The following KIAA0513 variants were observed in gnomAD, a reference collection of about 807,000 sequenced individuals.
KIAA0513 encodes uncharacterized protein KIAA0513.
In KIAA0513, 39 loss-of-function variants were observed where a neutral mutation model predicts 56.5. That is an observed-to-expected ratio of 0.69 (90% CI 0.53 to 0.90). KIAA0513 has a LOEUF of 0.90. Among genes scored for constraint, KIAA0513 ranks in the 40% least tolerant of loss-of-function variants. The pLI is 0.00. For synonymous variants in KIAA0513, 268 were observed against 215.6 expected, an observed-to-expected ratio of 1.24 and a Z score of -2.13; for missense variants, 591 against 535.2, an observed-to-expected ratio of 1.10 and a Z score of -1.03.
rs1195368728 is a variant in KIAA0513, at chr16:85,093,143, T to C, written c.*4818T>C. Reference sequence around the variant, plus strand: ...GGGATTGGGTTTGTGTGGGTGTCTCTAGCCTGCAGAGTGCAGTGAGTGAGA... The same window carrying C: ...GGGATTGGGTTTGTGTGGGTGTCTCCAGCCTGCAGAGTGCAGTGAGTGAGA... On this transcript the variant is annotated 3_prime_UTR_variant, in exon 13 of 13. Coordinates refer to ENST00000683363, the MANE Select transcript of KIAA0513 (RefSeq NM_001388359.1). 2.6e-5 allele frequency: 4 copies of C among 152,076 alleles called. No individual in the cohort carries two copies. The East Asian group carries it at 7.7e-4, about 29-fold the overall frequency. 9.4% of individuals were successfully genotyped at this position (152,076 alleles called of 1,614,324 possible). A position where few individuals can be genotyped will look rare whatever the true frequency, so the allele number is the denominator to read the frequency against.
At chr16:85,064,918 C>T (rs2073456643) in intron 1 of KIAA0513, among the ~76,000 whole-genome samples, 1 of 152,204 alleles carries the variant, frequency 6.6e-6, no homozygotes, top group Non-Finnish European at 1.5e-5. Context: ...CTCCAGACCT[C>T]AGGTGATCCA....
rs2073738842 is a variant in KIAA0513 at position 85,081,183 on chromosome 16, C to G, written c.903-132C>G. The G allele has an allele frequency of 7.5e-6, 6 of 804,096 alleles. No homozygotes were observed. The highest frequency in any genetic ancestry group is 5.8e-5 in the South Asian group (4 of 69,102). The allele number at this position is 804,096 out of a possible 1,614,324, so 49.8% of individuals were successfully genotyped here. On this transcript the variant is annotated intron_variant, in intron 8 of 12. Coordinates refer to ENST00000683363, the MANE Select transcript of KIAA0513 (RefSeq NM_001388359.1). The surrounding 1 kb of genome is among the most constrained non-coding windows in gnomAD (Gnocchi z 4.4). ...TATGCTCAGTTTTTCCTTCTCAGCC[C>G]TACCTCTCTGAGACTTCTTAGAAGC... is the stretch of plus-strand genomic sequence containing the variant.
chr16:85,032,460 G>A (rs2072978072), intron 1 of KIAA0513, among the ~76,000 whole-genome samples: 1 of 152,194 alleles, frequency 6.6e-6, no homozygotes, highest in Admixed American at 6.5e-5. Context: ...AGCCTCCCAT[G>A]TAGCTGGGAT....
In KIAA0513 at chr16:85,087,126, C is replaced by T. The variant is rs1288902656; in HGVS notation, c.1146C>T (p.Asp382=). Residue 382 remains aspartate (D), a synonymous_variant, in exon 12 of 13, where the codon GAC becomes GAT. Transcript: ENST00000683363. ...GACTGAACAAGAAGCTGTGCAATGA[C>T]TTCCTGAAGAAGCAGGCTGTGATTG... ...AFGLNKKLCN[D]FLKKQAVIGN... 1.9e-6 allele frequency: 3 copies of T among 1,614,206 alleles called. No individual in the cohort carries two copies. The highest frequency in any genetic ancestry group is 2.5e-6 in the Non-Finnish European group (3 of 1,180,022).
chr16:85,054,149 C>T (rs751530146), intron 1 of KIAA0513, among the ~76,000 whole-genome samples: 2 of 152,074 alleles, frequency 1.3e-5, no homozygotes, highest in Non-Finnish European at 2.9e-5. Context: ...GACAGTGAGA[C>T]CCTGTCTCAA....
intron 1 of KIAA0513, among the ~76,000 whole-genome samples, chr16:85,053,645 A>G (rs1411097962): frequency 1.3e-5 from 2 of 152,184 alleles, no homozygotes; most frequent in Non-Finnish European, 2.9e-5. Flanking sequence ...AGATTACTTG[A>G]GCCCAGGAGT....
intron 1 of KIAA0513, among the ~76,000 whole-genome samples, chr16:85,036,106 C>T (rs537116411): frequency 6.6e-6 from 1 of 152,264 alleles, no homozygotes; most frequent in Admixed American, 6.5e-5. Context: ...TGAACCACCA[C>T]ACCTGGCCTG....
At position 85,086,666 on chromosome 16, in the gene KIAA0513, C is replaced by G; in HGVS notation, c.1033C>G (p.Gln345Glu). Reference protein sequence around the residue: ...EKREKWCHMTQEERDDSLRFN... With the variant: ...EKREKWCHMTEEERDDSLRFN... ...CAGGGAGAAGTGGTGCCACATGACC[C>G]AGGAGGAGCGCGACGACAGCCTCCG... is the stretch of plus-strand genomic sequence containing the variant. The change falls in exon 11 of 13, where the codon CAG (glutamine) becomes GAG (glutamate). Residue 345 changes from glutamine (Q) to glutamate (E), a missense_variant. Coordinates refer to ENST00000683363, the MANE Select transcript of KIAA0513 (RefSeq NM_001388359.1). 4.3e-6 allele frequency: 7 copies of G among 1,613,862 alleles called. No individual in the cohort carries two copies. The highest frequency in any genetic ancestry group is 5.9e-6 in the Non-Finnish European group (7 of 1,179,988).
intron 11 of KIAA0513, 69 bp from the exon 12 acceptor site, chr16:85,087,003 A>G (rs2291962): frequency 0.64 from 937,477 of 1,457,858 alleles, 307,189 homozygotes; most frequent in African/African-American, 0.9. Context: ...TCCCAGAGAC[A>G]AGGGCCCAGC....
At chr16:85,067,488 G>C (rs919683692) in intron 2 of KIAA0513, 88 bp downstream of exon 2, 3 of 1,081,290 alleles carry the variant, frequency 2.8e-6, no homozygotes, top group Admixed American at 2.5e-5. Context: ...CCTCTCCCCA[G>C]GGTGCCACCT....
At chr16:85,046,354 A>G (rs1413494462) in intron 1 of KIAA0513, among the ~76,000 whole-genome samples, 6 of 152,236 alleles carry the variant, frequency 3.9e-5, no homozygotes, top group African/African-American at 1.4e-4. Context: ...CAGAGGATGA[A>G]GAACCACGGA....
chr16:85,041,293 G>A (rs965626608), intron 1 of KIAA0513, among the ~76,000 whole-genome samples: 1 of 152,160 alleles, frequency 6.6e-6, no homozygotes, highest in African/African-American at 2.4e-5. Flanking sequence ...TGTTTCCTCT[G>A]TCCGGAATAT....
intron 4 of KIAA0513, among the ~76,000 whole-genome samples, 194 bp from the exon 5 acceptor site, chr16:85,075,650 G>A (rs1434854353): frequency 6.6e-6 from 1 of 152,174 alleles, no homozygotes; most frequent in Non-Finnish European, 1.5e-5. Context: ...ACTCCTTCCC[G>A]TTCAGAATCA....
chr16:85,077,575 A>C lies in KIAA0513; in HGVS notation c.725A>C (p.Lys242Thr), dbSNP rs200321460. The change falls in exon 6 of 13, where the codon AAG becomes ACG. Residue 242 changes from lysine to threonine, a missense_variant. Lys to Thr is a moderately conservative substitution (Grantham distance 78). Transcript: ENST00000683363. ...KNTSARTENV[K>T]GFFGGLETKL... is the part of the protein sequence containing the mutation. ...ACCTCGGCCAGGACTGAGAATGTCA[A>C]GGGCTTCTTCGGGGGGCTGGAGACC... is the stretch of plus-strand genomic sequence containing the variant. 98 of 1,614,122 alleles carry C rather than the reference A, an allele frequency of 6.1e-5. No homozygotes were observed. The East Asian group carries it at 1.2e-3, about 20-fold the overall frequency.
At chr16:85,036,733 A>G (rs567185876) in intron 1 of KIAA0513, among the ~76,000 whole-genome samples, 1 of 152,314 alleles carries the variant, frequency 6.6e-6, no homozygotes, top group South Asian at 2.1e-4. Context: ...CCAGGGGACC[A>G]CATTGCATGT....
At chr16:85,041,722 G>T (rs575304703) in intron 1 of KIAA0513, among the ~76,000 whole-genome samples, 22 of 152,176 alleles carry the variant, frequency 1.4e-4, no homozygotes, top group Non-Finnish European at 1.5e-5. Flanking sequence ...TTGGCACTGA[G>T]CAGAGAGGTG....
intron 1 of KIAA0513, among the ~76,000 whole-genome samples, chr16:85,047,176 C>T (rs1294429943): frequency 6.6e-6 from 1 of 152,234 alleles, no homozygotes; most frequent in East Asian, 1.9e-4. Context: ...TTTGTCCACT[C>T]TTCAGATCTG....
At chr16:85,077,109 CG>C (rs2073667230) in intron 5 of KIAA0513, among the ~76,000 whole-genome samples, 1 of 152,182 alleles carries the variant, frequency 6.6e-6, no homozygotes, top group Non-Finnish European at 1.5e-5. Flanking sequence ...CTGGCATGGT[CG>C]GGCCTCTGCC....
chr16:85,089,196 T>C lies in KIAA0513; in HGVS notation c.*871T>C, dbSNP rs997436308. On this transcript the variant is annotated 3_prime_UTR_variant, in exon 13 of 13. Transcript: ENST00000683363. This position sits in a 1 kb window ranked among gnomAD's most constrained non-coding sequence, Gnocchi z 4.2. Reference sequence around the variant, plus strand: ...GCACAGGAAAGAGAAGTTTCTTTAGTAGCCACTAGACAACCACCCTTTCTG... The same window carrying C: ...GCACAGGAAAGAGAAGTTTCTTTAGCAGCCACTAGACAACCACCCTTTCTG... The C allele has an allele frequency of 6.6e-6, 1 of 152,288 alleles. No homozygotes were observed. Among genetic ancestry groups the C allele is most frequent in the Non-Finnish European group, 1.5e-5 (1 of 68,066 alleles). 9.4% of individuals were successfully genotyped at this position (152,288 alleles called of 1,614,324 possible).
Sources: allele counts gnomAD v4.1 joint callset (sites outside exome capture counted in the v4.1 genomes callset), GRCh38; gene constraint gnomAD v4.1.1; non-coding constraint Gnocchi (gnomAD v3.1); transcripts MANE v1.5; gene names NCBI Gene and HGNC (gene_info 2026-07-23, HGNC 2026-07-21).